Variants in TIAM2 observed in about 807,000 individuals in gnomAD.
TIAM2 encodes the protein rho guanine nucleotide exchange factor TIAM2.
TIAM2 carries 80 observed loss-of-function variants against 152.9 expected under a neutral mutation model. The observed-to-expected ratio is 0.52, with a 90% CI of 0.44 to 0.63. TIAM2 has a LOEUF of 0.63. Among genes scored for constraint, TIAM2 ranks in the 30% least tolerant of loss-of-function variants. The pLI is 0.00. For missense variants in TIAM2, 1,965 were observed against 2,120.1 expected, an observed-to-expected ratio of 0.93 and a Z score of 1.44; for synonymous variants, 804 against 838.0, an observed-to-expected ratio of 0.96 and a Z score of 0.70.
chr6:155,242,852 C>T (rs1019485926), intron 16 of TIAM2, among the ~76,000 whole-genome samples: 6 of 151,942 alleles, frequency 3.9e-5, no homozygotes, highest in Non-Finnish European at 8.8e-5. Context: ...TCTCCTGCCT[C>T]AGCTTCCTGA....
chr6:155,109,701 G>C (rs977186298), intron 2 of TIAM2, among the ~76,000 whole-genome samples: 4 of 152,090 alleles, frequency 2.6e-5, no homozygotes, highest in African/African-American at 9.7e-5. Flanking sequence ...GCTGAAAATG[G>C]ACCTTAGGCA....
chr6:155,216,964 T>A, intron 15 of TIAM2: 1 of 1,226,426 alleles, frequency 8.2e-7, no homozygotes, highest in Admixed American at 3.3e-5. Flanking sequence ...GGGATTTTTT[T>A]CATTGCCTGG....
intron 5 of TIAM2, among the ~76,000 whole-genome samples, chr6:155,141,106 T>G (rs1779694088): frequency 6.6e-6 from 1 of 152,212 alleles, no homozygotes; most frequent in African/African-American, 2.4e-5. Flanking sequence ...CTTGGCTAGG[T>G]CCTGCTTTCC....
At chr6:155,078,515 AT>A (rs1778001376) in intron 1 of TIAM2, among the ~76,000 whole-genome samples, 1 of 151,782 alleles carries the variant, frequency 6.6e-6, no homozygotes, top group Non-Finnish European at 1.5e-5. Context: ...TTTCTCTGTC[AT>A]TTCACCCATG....
intron 1 of TIAM2, among the ~76,000 whole-genome samples, chr6:155,073,005 A>G (rs1205219005): frequency 2.0e-5 from 3 of 152,180 alleles, no homozygotes; most frequent in Non-Finnish European, 4.4e-5. Flanking sequence ...CATATTTGCT[A>G]TTAAGAACAA....
intron 1 of TIAM2, among the ~76,000 whole-genome samples, chr6:155,042,551 C>T (rs1369545616): frequency 8.5e-5 from 13 of 152,114 alleles, no homozygotes; most frequent in African/African-American, 1.4e-4. Flanking sequence ...GAGCTGGGAT[C>T]GCGCCGCTGC....
intron 7 of TIAM2, among the ~76,000 whole-genome samples, chr6:155,157,100 T>A (rs1780137882): frequency 6.6e-6 from 1 of 152,220 alleles, no homozygotes; most frequent in Non-Finnish European, 1.5e-5. Context: ...TTTTTATCTC[T>A]GAACCCTCGA....
intron 1 of TIAM2, among the ~76,000 whole-genome samples, chr6:155,029,485 C>CTA (rs371777184): frequency 0.069 from 715 of 10,350 alleles, 127 homozygotes; most frequent in African/African-American, 0.19. Context: ...AGTATATATA[C>CTA]TATAGTATAT....
At chr6:155,198,064 A>G (rs1781389241) in intron 14 of TIAM2, among the ~76,000 whole-genome samples, 1 of 152,144 alleles carries the variant, frequency 6.6e-6, no homozygotes, top group Non-Finnish European at 1.5e-5. Flanking sequence ...CTCACCTTTC[A>G]TGCTTCTCTT....
Position 155,244,750 on chromosome 6 carries a change from C to T in TIAM2, c.3510C>T (p.Asp1170=). 9 of 1,613,816 alleles carry T rather than the reference C, an allele frequency of 5.6e-6. No homozygotes were observed. The highest frequency in any genetic ancestry group is 7.6e-6 in the Non-Finnish European group (9 of 1,179,852). Residue 1170 remains aspartate (D), a synonymous_variant, in exon 18 of 27, where the codon GAC becomes GAT. Transcript: ENST00000682666. The part of the protein sequence containing the change: ...TLEDGISASS[D]FNTLETPSQF... ...AGGATGGGATTTCAGCATCATCTGACTTTAACACCCTAGAAACCCCCTCAC... is the reference window on the plus strand; with the variant it reads ...AGGATGGGATTTCAGCATCATCTGATTTTAACACCCTAGAAACCCCCTCAC...
At chr6:155,149,691 G>T (rs1459370232) in intron 7 of TIAM2, among the ~76,000 whole-genome samples, 1 of 152,136 alleles carries the variant, frequency 6.6e-6, no homozygotes. Context: ...GGGAGGCCGA[G>T]GTGGGCAGAT....
intron 1 of TIAM2, among the ~76,000 whole-genome samples, chr6:155,008,553 G>A (rs1350517992): frequency 6.6e-6 from 1 of 151,972 alleles, no homozygotes; most frequent in Non-Finnish European, 1.5e-5. Flanking sequence ...GTACTCACTG[G>A]TGGTCACTGA....
chr6:155,166,713 A>G (rs999286066), intron 9 of TIAM2, among the ~76,000 whole-genome samples: 1 of 152,222 alleles, frequency 6.6e-6, no homozygotes, highest in Admixed American at 6.5e-5. Context: ...AACATTTTGA[A>G]TATGTGTATT....
At chr6:155,020,052 CA>C (rs112314960) in intron 1 of TIAM2, among the ~76,000 whole-genome samples, 33 of 146,548 alleles carry the variant, frequency 2.3e-4, no homozygotes, top group Admixed American at 3.4e-4. Flanking sequence ...ACTCCGTCTG[CA>C]AAAAAAAAAG....
chr6:155,131,779 A>G (rs762458159), intron 4 of TIAM2, among the ~76,000 whole-genome samples: 28 of 152,040 alleles, frequency 1.8e-4, no homozygotes, highest in Non-Finnish European at 2.9e-4. Flanking sequence ...GGGTTTCACC[A>G]TGTTGGCCAG....
chr6:155,230,836 C>T (rs1369979442), intron 15 of TIAM2, among the ~76,000 whole-genome samples: 3 of 141,026 alleles, frequency 2.1e-5, no homozygotes, highest in Non-Finnish European at 4.6e-5. Flanking sequence ...GGCAGAGCTA[C>T]TTTTTTTTTT....
At chr6:155,047,704 A>AGAGAGAGAG (rs1442589416) in intron 1 of TIAM2, among the ~76,000 whole-genome samples, 2 of 82,216 alleles carry the variant, frequency 2.4e-5, no homozygotes, top group African/African-American at 1.1e-4. Context: ...AGAGAGAGAG[A>AGAGAGAGAG]GCGAGAGAGA....
At chr6:155,211,182 G>T (rs768114234) in intron 14 of TIAM2, 22 bp from the exon 15 acceptor site, 1 of 1,607,562 alleles carries the variant, frequency 6.2e-7, no homozygotes, top group Admixed American at 1.7e-5. Context: ...ACTCATATAT[G>T]TTTTTGTCAT....
At chr6:155,133,051 G>C (rs982408844) in intron 4 of TIAM2, among the ~76,000 whole-genome samples, 1 of 152,184 alleles carries the variant, frequency 6.6e-6, no homozygotes, top group African/African-American at 2.4e-5. Flanking sequence ...TGTGCCTGTA[G>C]AGTTAAAAAC....
Sources: gnomAD v4.1 joint callset for allele counts (sites outside exome capture counted in the v4.1 genomes callset) on GRCh38, gnomAD v4.1.1 for gene constraint, MANE v1.5 for transcripts, NCBI Gene and HGNC (gene_info 2026-07-23, HGNC 2026-07-21) for gene names.